HEMK1: variants seen among roughly 807,000 people sequenced by gnomAD.
The protein encoded by HEMK1 is MTRF1L release factor glutamine methyltransferase.
HEMK1 carries 36 observed loss-of-function variants against 47.9 expected under a neutral mutation model. The ratio of observed to expected loss-of-function variants is 0.75; its 90% CI spans 0.58 to 0.99. The LOEUF is 0.99. Among genes scored for constraint, HEMK1 ranks in the 50% least tolerant of loss-of-function variants. The pLI, the probability that HEMK1 is intolerant of heterozygous loss-of-function variation, is 0.00. For synonymous variants in HEMK1, 153 were observed against 165.4 expected (o/e 0.93, Z 0.57); for missense variants, 383 against 434.5 (o/e 0.88, Z 1.05).
At position 50,578,851 on chromosome 3, in the gene HEMK1, C is replaced by G; in HGVS notation, c.695C>G (p.Pro232Arg). 4 of 1,613,394 alleles carry G rather than the reference C, an allele frequency of 2.5e-6. No individual in the cohort carries two copies. Among genetic ancestry groups the G allele is most frequent in the Non-Finnish European group, 3.4e-6 (4 of 1,179,676 alleles). ...AGCTGGACACACCTGCCCTGGGGCC[C>G]CATGGACCTGATTGTCAGCAACCCT... Reference protein sequence around the residue: ...ERSWTHLPWGPMDLIVSNPPY... With the variant: ...ERSWTHLPWGRMDLIVSNPPY... Residue 232 changes from proline to arginine, a missense_variant, in exon 8 of 11, where the codon CCC becomes CGC. By Grantham distance (103) the Pro-to-Arg change is moderately radical (BLOSUM62 -2). Transcript: ENST00000232854.
intron 5 of HEMK1, 128 bp from the exon 6 acceptor site, chr3:50,577,378 CAAG>C: frequency 8.4e-7 from 1 of 1,192,138 alleles, no homozygotes; most frequent in Non-Finnish European, 1.2e-6. Context: ...AGACTTTGGC[CAAG>C]AAGAAAAGGC....
chr3:50,571,762 TAC>T lies in HEMK1; in HGVS notation c.283_284del (p.Gln95ValfsTer7). On this transcript the variant is annotated frameshift_variant, in exon 3 of 11. Coordinates refer to ENST00000232854, the MANE Select transcript of HEMK1 (RefSeq NM_016173.5). LOFTEE classifies it high-confidence loss of function. ...ACCCAGCCCTTGACCTCTCAGCAACTACAGTGTATCCGGGAGCTGAGTAGCCG... is the reference window on the plus strand; with the variant it reads ...ACCCAGCCCTTGACCTCTCAGCAACTAGTGTATCCGGGAGCTGAGTAGCCG... 6.2e-7 allele frequency: 1 copy of T among 1,614,168 alleles called. No homozygotes were observed. Among genetic ancestry groups the T allele is most frequent in the African/African-American group, 1.3e-5 (1 of 75,042 alleles).
Position 50,588,657 on chromosome 3 carries a change from C to G in HEMK1, c.*8240C>G, listed in dbSNP as rs2031544603. 1 of 152,256 alleles carries G rather than the reference C, an allele frequency of 6.6e-6. No homozygotes were observed. Among genetic ancestry groups the G allele is most frequent in the Admixed American group, 6.5e-5 (1 of 15,284 alleles). 9.4% of individuals were successfully genotyped at this position (152,256 alleles called of 1,614,324 possible). The stretch of plus-strand genomic sequence containing the variant: ...GCAGCGAAAGTGGCTGCCACTGAAC[C>G]CAGACTCTGATGTACTCCGGATATG... On this transcript the variant is annotated 3_prime_UTR_variant, in exon 11 of 11. Transcript: ENST00000232854.
rs974145529 is a variant in HEMK1, at chr3:50,588,444, C to T, written c.*8027C>T. On this transcript the variant is annotated 3_prime_UTR_variant, in exon 11 of 11. Coordinates refer to ENST00000232854, the MANE Select transcript of HEMK1 (RefSeq NM_016173.5). ...AAATGCAGCCCAGGGCCTCAACCCC[C>T]CAGAGGGGCCTCAGGAGCCAGTTAG... is the stretch of plus-strand genomic sequence containing the variant. 6.6e-6 allele frequency: 1 copy of T among 152,260 alleles called. No individual in the cohort carries two copies. Among genetic ancestry groups the T allele is most frequent in the African/African-American group, 2.4e-5 (1 of 41,464 alleles). 9.4% of individuals were successfully genotyped at this position (152,260 alleles called of 1,614,324 possible). A position where few individuals can be genotyped will look rare whatever the true frequency, so the allele number is the denominator to read the frequency against.
At position 50,590,239 on chromosome 3, in the gene HEMK1, AAAGG is replaced by A; in HGVS notation, c.*9826_*9829del. 2 of 152,012 alleles carry A rather than the reference AAAGG, an allele frequency of 1.3e-5. No individual in the cohort carries two copies. The highest frequency in any genetic ancestry group is 4.2e-4 in the South Asian group (2 of 4,814). The allele number at this position is 152,012 out of a possible 1,614,324, so 9.4% of individuals were successfully genotyped here. A position where few individuals can be genotyped will look rare whatever the true frequency, so the allele number is the denominator to read the frequency against. On this transcript the variant is annotated 3_prime_UTR_variant, in exon 11 of 11. Transcript: ENST00000232854. ...AAAAAAATGTTTTAAAAATGAAAGA[AAAGG>A]AAGAAGGGAGGAGGAAGCCAGAAAG... is the stretch of plus-strand genomic sequence containing the variant.
chr3:50,579,273 C>T (rs1575947772), intron 8 of HEMK1, among the ~76,000 whole-genome samples: 4 of 152,080 alleles, frequency 2.6e-5, no homozygotes, highest in East Asian at 1.9e-4. Context: ...AGTAGATGGG[C>T]GCATCATTTT....
At chr3:50,580,045 C>A in intron 9 of HEMK1, 71 bp from the exon 10 acceptor site, 1 of 1,532,412 alleles carries the variant, frequency 6.5e-7, no homozygotes, top group South Asian at 1.1e-5. Context: ...CTCACCTCGC[C>A]AGCCCAAGCA....
chr3:50,579,107 C>T (rs139853420), intron 8 of HEMK1, among the ~76,000 whole-genome samples, 181 bp downstream of exon 8: 1,687 of 152,316 alleles, frequency 0.011, 32 homozygotes, highest in Non-Finnish European at 0.012. Context: ...CTTCCTACTT[C>T]CTTACTTCCT....
At position 50,586,583 on chromosome 3, in the gene HEMK1, C is replaced by T. The variant is rs1032616493; in HGVS notation, c.*6166C>T. On this transcript the variant is annotated 3_prime_UTR_variant, in exon 11 of 11. Coordinates refer to ENST00000232854, the MANE Select transcript of HEMK1 (RefSeq NM_016173.5). ...CCTCTTGTACTAGGTCTGCGGCCCT[C>T]TTCTGGGGCATGTGGCTGGGGAAAT... 6.6e-6 allele frequency: 1 copy of T among 152,390 alleles called. No homozygotes were observed. The highest frequency in any genetic ancestry group is 6.5e-5 in the Admixed American group (1 of 15,292). The allele number at this position is 152,390 out of a possible 1,614,324, so 9.4% of individuals were successfully genotyped here.
rs1422557683 is a variant in HEMK1, at chr3:50,593,513, T to C, written c.*13096T>C. 6.6e-6 allele frequency: 1 copy of C among 152,210 alleles called. No homozygotes were observed. Among genetic ancestry groups the C allele is most frequent in the Non-Finnish European group, 1.5e-5 (1 of 68,042 alleles). The allele number at this position is 152,210 out of a possible 1,614,324, so 9.4% of individuals were successfully genotyped here. A position where few individuals can be genotyped will look rare whatever the true frequency, so the allele number is the denominator to read the frequency against. ...CTCATGGAAGGTTCACTTTCCTGCT[T>C]ATCTAGTCTCAGATGTTACAGTTTT... is the stretch of plus-strand genomic sequence containing the variant. On this transcript the variant is annotated 3_prime_UTR_variant, in exon 11 of 11. Coordinates refer to ENST00000232854, the MANE Select transcript of HEMK1 (RefSeq NM_016173.5).
chr3:50,579,104 C>T (rs889460548), intron 8 of HEMK1, among the ~76,000 whole-genome samples, 178 bp downstream of exon 8: 5 of 152,324 alleles, frequency 3.3e-5, no homozygotes, highest in African/African-American at 1.2e-4. Flanking sequence ...TACCTTCCTA[C>T]TTCCTTACTT....
intron 4 of HEMK1, among the ~76,000 whole-genome samples, chr3:50,573,074 C>G (rs1701194539): frequency 6.6e-6 from 1 of 152,238 alleles, no homozygotes; most frequent in Non-Finnish European, 1.5e-5. Flanking sequence ...CAGCTTCTGT[C>G]CCCTAGCCAA....
rs2031704003 is a variant in HEMK1, at chr3:50,591,187, G to GGTA, written c.*10771_*10773dup. 1 of 152,224 alleles carries GGTA rather than the reference G, an allele frequency of 6.6e-6. No homozygotes were observed. Among genetic ancestry groups the GGTA allele is most frequent in the Non-Finnish European group, 1.5e-5 (1 of 68,066 alleles). The allele number at this position is 152,224 out of a possible 1,614,324, so 9.4% of individuals were successfully genotyped here. A position where few individuals can be genotyped will look rare whatever the true frequency, so the allele number is the denominator to read the frequency against. ...ACCACCTTCCCAAAGTTGGGGAAGG[G>GGTA]GTAACTGAGGCTGTCATCTGGCCTG... On this transcript the variant is annotated 3_prime_UTR_variant, in exon 11 of 11. Coordinates refer to ENST00000232854, the MANE Select transcript of HEMK1 (RefSeq NM_016173.5).
chr3:50,577,032 C>G lies in HEMK1; in HGVS notation c.415-20C>G, dbSNP rs901282944. On this transcript the variant is annotated intron_variant, in intron 4 of 10. Coordinates refer to ENST00000232854, the MANE Select transcript of HEMK1 (RefSeq NM_016173.5). The stretch of plus-strand genomic sequence containing the variant: ...AGCCACGTTGGCACCGACTCTGATC[C>G]AGATCCCTCTGCTTCACAGGAACTG... The G allele has an allele frequency of 7.4e-6, 12 of 1,613,552 alleles. No homozygotes were observed. The African/African-American group carries it at 9.3e-5, about 13-fold the overall frequency.
chr3:50,572,708 G>T (rs1304483083), intron 4 of HEMK1, among the ~76,000 whole-genome samples: 2 of 152,236 alleles, frequency 1.3e-5, no homozygotes, highest in African/African-American at 2.4e-5. Context: ...GAATCTGGTG[G>T]CCCTCTTAGG....
In HEMK1 at chr3:50,577,180, C is replaced by T; in HGVS notation, c.543C>T (p.Leu181=). ...GAISLSLLSQ[L]PQSRVIAVDK... is the part of the protein sequence containing the mutation. Reference sequence around the variant, plus strand: ...TCTCCCTCAGCCTGCTGAGCCAGCTCCCCCAGGTGAGCCCCTCCACCCACT... The same window carrying T: ...TCTCCCTCAGCCTGCTGAGCCAGCTTCCCCAGGTGAGCCCCTCCACCCACT... Residue 181 remains leucine, a synonymous_variant, in exon 5 of 11, where the codon CTC becomes CTT. Transcript: ENST00000232854. 6.2e-7 allele frequency: 1 copy of T among 1,609,030 alleles called. No individual in the cohort carries two copies. Among genetic ancestry groups the T allele is most frequent in the Non-Finnish European group, 8.5e-7 (1 of 1,178,454 alleles).
Position 50,585,218 on chromosome 3 carries a change from G to A in HEMK1, c.*4801G>A, listed in dbSNP as rs750520335. Reference sequence around the variant, plus strand: ...CCAAGCCTGTTCCTGCTCTCCTGTGGAGTTATGTGACTGGCCCAGGACCCC... The same window carrying A: ...CCAAGCCTGTTCCTGCTCTCCTGTGAAGTTATGTGACTGGCCCAGGACCCC... On this transcript the variant is annotated 3_prime_UTR_variant, in exon 11 of 11. Coordinates refer to ENST00000232854, the MANE Select transcript of HEMK1 (RefSeq NM_016173.5). The A allele has an allele frequency of 6.6e-6, 1 of 152,288 alleles. No individual in the cohort carries two copies. Among genetic ancestry groups the A allele is most frequent in the Non-Finnish European group, 1.5e-5 (1 of 68,096 alleles). The allele number at this position is 152,288 out of a possible 1,614,324, so 9.4% of individuals were successfully genotyped here.
chr3:50,579,827 A>C lies in HEMK1; in HGVS notation c.771-17A>C. 1 of 1,597,276 alleles carries C rather than the reference A, an allele frequency of 6.3e-7. No individual in the cohort carries two copies. Among genetic ancestry groups the C allele is most frequent in the South Asian group, 1.1e-5 (1 of 90,434 alleles). ...CCCCTTTCTCAGGCTGTCACCTCCCACTGCTTTGCCTTTCAGCTATGAAGA... is the reference window on the plus strand; with the variant it reads ...CCCCTTTCTCAGGCTGTCACCTCCCCCTGCTTTGCCTTTCAGCTATGAAGA... On this transcript the variant is annotated splice_polypyrimidine_tract_variant and intron_variant, in intron 8 of 10. Coordinates refer to ENST00000232854, the MANE Select transcript of HEMK1 (RefSeq NM_016173.5).
chr3:50,574,578 G>T (rs888912902), intron 4 of HEMK1, among the ~76,000 whole-genome samples: 14 of 152,180 alleles, frequency 9.2e-5, no homozygotes, highest in Admixed American at 7.2e-4. Context: ...CTATGACCAG[G>T]AAACCAAGAG....
Sources: allele counts gnomAD v4.1 joint callset (sites outside exome capture counted in the v4.1 genomes callset), GRCh38; gene constraint gnomAD v4.1.1; transcripts MANE v1.5; gene names NCBI Gene and HGNC (gene_info 2026-07-23, HGNC 2026-07-21).